Variants in ACOXL observed in about 807,000 individuals in gnomAD.
ACOXL encodes acyl-coenzyme A oxidase-like protein.
In ACOXL, 70 loss-of-function variants were observed where a neutral mutation model predicts 71.9. The ratio of observed to expected loss-of-function variants is 0.97; its 90% CI spans 0.80 to 1.19. ACOXL has a LOEUF of 1.19. ACOXL is among the 50% of genes most tolerant of loss of function. The pLI is 0.00. For synonymous variants in ACOXL, 253 were observed against 281.6 expected (o/e 0.90, Z 1.02); for missense variants, 703 against 736.3 (o/e 0.95, Z 0.52).
At chr2:111,021,167 G>A (rs963018005) in intron 14 of ACOXL, among the ~76,000 whole-genome samples, 1 of 152,274 alleles carries the variant, frequency 6.6e-6, no homozygotes, top group African/African-American at 2.4e-5. Context: ...GGTGGCAGGG[G>A]CGAAGGGTAG....
At chr2:110,827,227 A>T (rs181031895) in intron 9 of ACOXL, among the ~76,000 whole-genome samples, 3 of 152,322 alleles carry the variant, frequency 2.0e-5, no homozygotes, top group Non-Finnish European at 4.4e-5. Context: ...ATACACAGGC[A>T]CTGACACCCA....
intron 1 of ACOXL, among the ~76,000 whole-genome samples, chr2:110,763,003 A>G (rs181889387): frequency 3.3e-5 from 5 of 152,294 alleles, no homozygotes; most frequent in Admixed American, 3.3e-4. Context: ...ACCACATCAG[A>G]TGGTTTTATA....
chr2:111,112,166 CAG>C (rs2070028431), intron 17 of ACOXL, among the ~76,000 whole-genome samples: 1 of 152,146 alleles, frequency 6.6e-6, no homozygotes, highest in Non-Finnish European at 1.5e-5. Context: ...TAAATTGATT[CAG>C]AGAAAATATT....
At chr2:110,908,010 C>T (rs1425407164) in intron 10 of ACOXL, among the ~76,000 whole-genome samples, 19 of 152,162 alleles carry the variant, frequency 1.2e-4, no homozygotes, top group Admixed American at 1.2e-3. Context: ...GCGTTAAACT[C>T]AGAGCTGTTC....
chr2:110,938,902 T>TTA (rs1249862105), intron 12 of ACOXL, among the ~76,000 whole-genome samples: 2 of 152,170 alleles, frequency 1.3e-5, no homozygotes, highest in African/African-American at 4.8e-5. Flanking sequence ...AACACTGTAT[T>TTA]GCCTACAGAC....
chr2:111,025,480 T>G (rs1213805052), intron 14 of ACOXL, among the ~76,000 whole-genome samples: 1 of 152,228 alleles, frequency 6.6e-6, no homozygotes, highest in East Asian at 1.9e-4. Flanking sequence ...TCCTCACCAA[T>G]ACTCGGTTTT....
intron 1 of ACOXL, among the ~76,000 whole-genome samples, chr2:110,743,898 A>C (rs1303092824): frequency 1.3e-5 from 2 of 152,238 alleles, no homozygotes; most frequent in African/African-American, 4.8e-5. Flanking sequence ...GGCAGCAGAC[A>C]GCACCTTCTG....
intron 12 of ACOXL, chr2:110,967,704 C>A: frequency 2.5e-6 from 1 of 402,818 alleles, no homozygotes; most frequent in South Asian, 3.9e-5. Context: ...GATATTTCAA[C>A]ACATTTATTT....
At chr2:111,043,984 C>G (rs1280709449) in intron 15 of ACOXL, among the ~76,000 whole-genome samples, 1 of 152,186 alleles carries the variant, frequency 6.6e-6, no homozygotes, top group African/African-American at 2.4e-5. Flanking sequence ...GAGCCTGCCC[C>G]TCCTATGTGG....
At chr2:110,803,765 A>G (rs773788957) in intron 8 of ACOXL, among the ~76,000 whole-genome samples, 10 of 152,248 alleles carry the variant, frequency 6.6e-5, no homozygotes, top group South Asian at 2.1e-4. Flanking sequence ...TAAGTCATAT[A>G]TATTAATATA....
At chr2:111,108,180 T>C (rs932642812) in intron 17 of ACOXL, among the ~76,000 whole-genome samples, 1 of 152,140 alleles carries the variant, frequency 6.6e-6, no homozygotes, top group African/African-American at 2.4e-5. Context: ...ATTCTCCCTA[T>C]ATTTTAGGTG....
At chr2:110,894,981 C>T (rs2058949266) in intron 10 of ACOXL, among the ~76,000 whole-genome samples, 1 of 152,128 alleles carries the variant, frequency 6.6e-6, no homozygotes, top group African/African-American at 2.4e-5. Flanking sequence ...CACAATATAA[C>T]ATGAAAATAT....
intron 12 of ACOXL, among the ~76,000 whole-genome samples, chr2:110,945,469 AG>A (rs1386040470): frequency 3.3e-5 from 5 of 149,618 alleles, no homozygotes; most frequent in African/African-American, 1.2e-4. Flanking sequence ...GGGTTTTTAT[AG>A]TTTTAGGTTT....
At chr2:110,806,841 G>A (rs929850074) in intron 9 of ACOXL, among the ~76,000 whole-genome samples, 9 of 152,154 alleles carry the variant, frequency 5.9e-5, no homozygotes, top group African/African-American at 2.2e-4. Context: ...CAGCAGCCCT[G>A]CAGGCTCATT....
At chr2:111,048,609 AAT>A (rs1413198464) in intron 15 of ACOXL, among the ~76,000 whole-genome samples, 2 of 152,220 alleles carry the variant, frequency 1.3e-5, no homozygotes, top group African/African-American at 4.8e-5. Flanking sequence ...TTTCTAGATT[AAT>A]ATTCCTAGAG....
chr2:111,013,410 C>T lies in ACOXL; in HGVS notation c.1281+17406C>T, dbSNP rs559987167. 4.8e-4 allele frequency among the ~76,000 whole-genome samples: 73 copies of T among 151,036 alleles called. No homozygotes were observed. The South Asian group carries it at 0.014, about 29-fold the overall frequency. ...GTTGTGGCGGGCACCTGTAATCCCA[C>T]TGCTTGGGAGGCTGAGGCAGGAGAA... On this transcript the variant is annotated intron_variant, in intron 14 of 17. Transcript: ENST00000439055.
intron 17 of ACOXL, among the ~76,000 whole-genome samples, chr2:111,111,584 A>G (rs2069967046): frequency 6.6e-6 from 1 of 152,234 alleles, no homozygotes; most frequent in African/African-American, 2.4e-5. Context: ...AGGGAAAGGT[A>G]TATGCACTTG....
At chr2:111,077,986 A>G (rs1463049870) in intron 16 of ACOXL, among the ~76,000 whole-genome samples, 1 of 152,124 alleles carries the variant, frequency 6.6e-6, no homozygotes, top group Non-Finnish European at 1.5e-5. Context: ...TTGACATTAT[A>G]TCTTCAAGTA....
intron 9 of ACOXL, among the ~76,000 whole-genome samples, chr2:110,831,633 C>T (rs554289622): frequency 6.6e-6 from 1 of 152,190 alleles, no homozygotes; most frequent in South Asian, 2.1e-4. Context: ...ATAAACAATT[C>T]TGAAAAAGAA....
Sources: gnomAD v4.1 joint callset for allele counts (sites outside exome capture counted in the v4.1 genomes callset) on GRCh38, gnomAD v4.1.1 for gene constraint, MANE v1.5 for transcripts, NCBI Gene and HGNC (gene_info 2026-07-23, HGNC 2026-07-21) for gene names.